The following TMEM163 variants were observed in gnomAD, a reference collection of about 807,000 sequenced individuals.
TMEM163 encodes the protein transmembrane protein 163.
TMEM163 carries 17 observed loss-of-function variants against 29.3 expected under a neutral mutation model. That is an observed-to-expected ratio of 0.58 (90% CI 0.40 to 0.87). The LOEUF is 0.87. Among genes scored for constraint, TMEM163 ranks in the 40% least tolerant of loss-of-function variants. The pLI, the probability that TMEM163 is intolerant of heterozygous loss-of-function variation, is 0.00. For missense variants in TMEM163, 303 were observed against 381.5 expected (o/e 0.79, Z 1.71); for synonymous variants, 157 against 160.6 (o/e 0.98, Z 0.17).
intron 2 of TMEM163, among the ~76,000 whole-genome samples, chr2:134,674,748 A>G (rs1431640941): frequency 6.6e-6 from 1 of 152,276 alleles, no homozygotes; most frequent in South Asian, 2.1e-4. Flanking sequence ...CTAATAACAA[A>G]AATGATCACA....
intron 2 of TMEM163, among the ~76,000 whole-genome samples, chr2:134,607,085 G>A (rs1227191306): frequency 3.0e-5 from 4 of 131,692 alleles, no homozygotes; most frequent in South Asian, 6.3e-4. Context: ...GACAGACCCC[G>A]AGAACTGTGC....
intron 2 of TMEM163, among the ~76,000 whole-genome samples, chr2:134,596,497 G>C: frequency 6.6e-6 from 1 of 152,302 alleles, no homozygotes; most frequent in East Asian, 1.9e-4. Flanking sequence ...CCAGTACCAT[G>C]CTGTTTTGGT....
chr2:134,561,584 C>T (rs1347851866), intron 2 of TMEM163, among the ~76,000 whole-genome samples: 2 of 152,188 alleles, frequency 1.3e-5, no homozygotes. Context: ...CTCCTGACCT[C>T]GCGATCCGCC....
At chr2:134,496,831 C>A (rs1183955734) in intron 5 of TMEM163, among the ~76,000 whole-genome samples, 1 of 152,100 alleles carries the variant, frequency 6.6e-6, no homozygotes, top group Non-Finnish European at 1.5e-5. Context: ...TCCTCCTTTG[C>A]TCTCCCTATT....
intron 4 of TMEM163, among the ~76,000 whole-genome samples, chr2:134,508,356 C>A (rs1459514675): frequency 6.6e-6 from 1 of 152,226 alleles, no homozygotes; most frequent in Non-Finnish European, 1.5e-5. Flanking sequence ...GTCTCCAAAG[C>A]ATTTGTAATC....
chr2:134,523,846 A>G (rs1289533669), intron 4 of TMEM163, among the ~76,000 whole-genome samples: 2 of 151,828 alleles, frequency 1.3e-5, no homozygotes, highest in Admixed American at 6.6e-5. Flanking sequence ...TTCTCCCCCA[A>G]CTCCCTCCCA....
At chr2:134,552,714 T>G (rs1680960606) in intron 2 of TMEM163, among the ~76,000 whole-genome samples, 1 of 143,626 alleles carries the variant, frequency 7.0e-6, no homozygotes, top group Non-Finnish European at 1.5e-5. Flanking sequence ...CAGGCTGGAG[T>G]GCAATGGTGC....
intron 2 of TMEM163, among the ~76,000 whole-genome samples, chr2:134,706,511 G>A (rs1476396392): frequency 2.0e-5 from 3 of 152,148 alleles, no homozygotes; most frequent in African/African-American, 7.2e-5. Flanking sequence ...TCGAGTTCCT[G>A]ATCTATGGGT....
At chr2:134,478,958 A>T (rs1686980924) in intron 5 of TMEM163, among the ~76,000 whole-genome samples, 1 of 152,176 alleles carries the variant, frequency 6.6e-6, no homozygotes, top group Non-Finnish European at 1.5e-5. Flanking sequence ...CCTGGGGTGG[A>T]AGGGGTCAGT....
At chr2:134,611,079 C>A (rs904217761) in intron 2 of TMEM163, among the ~76,000 whole-genome samples, 2 of 151,970 alleles carry the variant, frequency 1.3e-5, no homozygotes, top group African/African-American at 2.4e-5. Flanking sequence ...TGGAAAAAAA[C>A]CAAACAAATA....
chr2:134,701,715 C>T (rs528803737), intron 2 of TMEM163, among the ~76,000 whole-genome samples: 14 of 152,098 alleles, frequency 9.2e-5, no homozygotes, highest in Admixed American at 2.0e-4. Context: ...TTCAGGAGTT[C>T]GAGACCAGTC....
intron 4 of TMEM163, among the ~76,000 whole-genome samples, chr2:134,541,555 G>A (rs1680668510): frequency 6.6e-6 from 1 of 152,100 alleles, no homozygotes; most frequent in African/African-American, 2.4e-5. Flanking sequence ...TTAAGGCATT[G>A]GAAATAACCC....
At chr2:134,500,394 G>A (rs1369138369) in intron 5 of TMEM163, among the ~76,000 whole-genome samples, 1 of 152,204 alleles carries the variant, frequency 6.6e-6, no homozygotes, top group African/African-American at 2.4e-5. Context: ...TGGCCCCGTG[G>A]GCCACTCAGC....
chr2:134,711,114 T>C (rs772517188), intron 2 of TMEM163, among the ~76,000 whole-genome samples: 5 of 152,256 alleles, frequency 3.3e-5, no homozygotes, highest in Non-Finnish European at 7.3e-5. Flanking sequence ...AGTCAGTTTA[T>C]ATTGCTTAAT....
intron 2 of TMEM163, among the ~76,000 whole-genome samples, chr2:134,669,371 C>T (rs955644691): frequency 5.9e-5 from 9 of 152,314 alleles, no homozygotes; most frequent in African/African-American, 2.2e-4. Flanking sequence ...GCCCAGCTAC[C>T]TCTACATCCT....
At position 134,460,957 on chromosome 2, in the gene TMEM163, G is replaced by C. The variant is rs7599371; in HGVS notation, c.668-2784C>G. Among the ~76,000 whole-genome samples the C allele has an allele frequency of 0.17, 25,149 of 152,204 alleles. 4,213 individuals carry two copies. The highest frequency in any genetic ancestry group is 0.42 in the African/African-American group (17,269 of 41,468). Reference sequence around the variant, plus strand: ...ACTTCTTGAGAGTCTGCCTGAGGATGCTGGATCAAGCACACAGGGACTAGG... The same window carrying C: ...ACTTCTTGAGAGTCTGCCTGAGGATCCTGGATCAAGCACACAGGGACTAGG... On this transcript the variant is annotated intron_variant, in intron 6 of 7. Coordinates refer to ENST00000281924, the MANE Select transcript of TMEM163 (RefSeq NM_030923.5). The surrounding 1 kb of genome is among the most constrained non-coding windows in gnomAD (Gnocchi z 4.3).
At chr2:134,479,479 G>C (rs1359991848) in intron 5 of TMEM163, among the ~76,000 whole-genome samples, 1 of 152,166 alleles carries the variant, frequency 6.6e-6, no homozygotes, top group African/African-American at 2.4e-5. Context: ...GGTATAAAAA[G>C]CATTACATCC....
intron 2 of TMEM163, among the ~76,000 whole-genome samples, chr2:134,648,239 T>C (rs1190760646): frequency 1.3e-5 from 2 of 152,084 alleles, no homozygotes; most frequent in African/African-American, 4.8e-5. Context: ...CATCAAGCTA[T>C]CCCTCTGAAG....
intron 5 of TMEM163, among the ~76,000 whole-genome samples, chr2:134,498,682 A>C (rs1679634045): frequency 1.3e-5 from 2 of 152,180 alleles, no homozygotes; most frequent in Non-Finnish European, 2.9e-5. Flanking sequence ...CCTGGTCAGC[A>C]GCACAGAGTG....
Sources: gnomAD v4.1 joint callset for allele counts (sites outside exome capture counted in the v4.1 genomes callset) on GRCh38, gnomAD v4.1.1 for gene constraint, Gnocchi (gnomAD v3.1) non-coding constraint, MANE v1.5 for transcripts, NCBI Gene and HGNC (gene_info 2026-07-23, HGNC 2026-07-21) for gene names.